The following COL23A1 variants were observed in gnomAD, a reference collection of about 807,000 sequenced individuals.
COL23A1 encodes collagen type XXIII alpha 1 chain, also known as collagen alpha-1(XXIII) chain.
In COL23A1, 97 loss-of-function variants were observed where a neutral mutation model predicts 99.3. That is an observed-to-expected ratio of 0.98 (90% CI 0.83 to 1.16). The LOEUF (loss-of-function observed/expected upper bound fraction) is 1.16, where lower values mean the gene tolerates loss of function less well. Ranked by LOEUF, COL23A1 falls within the 50% of genes most tolerant of loss-of-function variation. The pLI is 0.00. For synonymous variants in COL23A1, 320 were observed against 308.2 expected (o/e 1.04, Z -0.40); for missense variants, 762 against 757.4 (o/e 1.01, Z -0.07).
chr5:178,250,008 C>T, intron 18 of COL23A1, 53 bp downstream of exon 18: 1 of 1,549,452 alleles, frequency 6.5e-7, no homozygotes, highest in Non-Finnish European at 8.9e-7. Flanking sequence ...CACACACACA[C>T]AGAGCCCAAT....
intron 12 of COL23A1, among the ~76,000 whole-genome samples, chr5:178,258,489 G>A (rs1352224255): frequency 1.4e-5 from 2 of 138,130 alleles, no homozygotes; most frequent in East Asian, 2.3e-4. Context: ...CTCTGCCTCC[G>A]GGTTCACGCC....
chr5:178,382,542 G>T (rs973806158), intron 2 of COL23A1, among the ~76,000 whole-genome samples: 1 of 152,156 alleles, frequency 6.6e-6, no homozygotes, highest in Non-Finnish European at 1.5e-5. Flanking sequence ...GGGAAGAGTA[G>T]GGTGAACCGA....
In COL23A1 at chr5:178,415,102, T is replaced by A. The variant is rs1315093823; in HGVS notation, c.362-108183A>T. On this transcript the variant is annotated intron_variant, in intron 2 of 28. Transcript: ENST00000390654. This position sits in a 1 kb window ranked among gnomAD's most constrained non-coding sequence, Gnocchi z 4.6. ...CAGTTTCTCAGCACGAAACCCGGAATATGTGAGTGCTGGTTCTCTCTGCCC... is the reference window on the plus strand; with the variant it reads ...CAGTTTCTCAGCACGAAACCCGGAAAATGTGAGTGCTGGTTCTCTCTGCCC... Among the ~76,000 whole-genome samples the A allele has an allele frequency of 6.6e-6, 1 of 151,528 alleles. No homozygotes were observed. Among genetic ancestry groups the A allele is most frequent in the Non-Finnish European group, 1.5e-5 (1 of 67,944 alleles).
intron 2 of COL23A1, among the ~76,000 whole-genome samples, chr5:178,328,966 A>G (rs1163708004): frequency 6.6e-6 from 1 of 152,236 alleles, no homozygotes; most frequent in African/African-American, 2.4e-5. Context: ...AGAAATGGGC[A>G]CGAACACAGC....
chr5:178,471,258 T>G (rs75013416), intron 2 of COL23A1, among the ~76,000 whole-genome samples: 1 of 146,470 alleles, frequency 6.8e-6, no homozygotes, highest in Non-Finnish European at 1.5e-5. Context: ...TCTTTTTTTT[T>G]GAGACAGAGT....
At position 178,387,673 on chromosome 5, in the gene COL23A1, A is replaced by T. The variant is rs928621416; in HGVS notation, c.362-80754T>A. Among the ~76,000 whole-genome samples the T allele has an allele frequency of 6.6e-6, 1 of 152,208 alleles. No individual in the cohort carries two copies. The highest frequency in any genetic ancestry group is 2.4e-5 in the African/African-American group (1 of 41,444). ...TATCCCCAGTACGAATACAAAGATA[A>T]GGTCAAAGAACACACTCAGTAAATA... On this transcript the variant is annotated intron_variant, in intron 2 of 28. Transcript: ENST00000390654. The surrounding 1 kb of genome is among the most constrained non-coding windows in gnomAD (Gnocchi z 4.7).
At chr5:178,295,500 C>T (rs1245697431) in intron 3 of COL23A1, among the ~76,000 whole-genome samples, 1 of 152,174 alleles carries the variant, frequency 6.6e-6, no homozygotes, top group Non-Finnish European at 1.5e-5. Flanking sequence ...GTGTGAAGGG[C>T]AATGAGGACA....
intron 2 of COL23A1, among the ~76,000 whole-genome samples, chr5:178,469,127 G>C (rs1756599077): frequency 6.6e-6 from 1 of 152,198 alleles, no homozygotes; most frequent in Admixed American, 6.5e-5. Flanking sequence ...GTGTGGACAG[G>C]CCACATTGTG....
chr5:178,264,753 T>C, intron 8 of COL23A1, among the ~76,000 whole-genome samples: 1 of 151,986 alleles, frequency 6.6e-6, no homozygotes, highest in East Asian at 1.9e-4. Flanking sequence ...ACCTCCCGGG[T>C]TCAAGCGATT....
intron 2 of COL23A1, among the ~76,000 whole-genome samples, chr5:178,385,367 G>GC (rs1244987109): frequency 6.6e-6 from 1 of 152,150 alleles, no homozygotes; most frequent in Non-Finnish European, 1.5e-5. Flanking sequence ...ACCCCCACAG[G>GC]CCCACACGTC....
intron 2 of COL23A1, among the ~76,000 whole-genome samples, chr5:178,424,767 C>T (rs1480686838): frequency 1.3e-5 from 2 of 152,196 alleles, no homozygotes; most frequent in African/African-American, 4.8e-5. Context: ...CTCTGAGTTA[C>T]AGACACTGAA....
At chr5:178,419,772 C>A (rs989957505) in intron 2 of COL23A1, among the ~76,000 whole-genome samples, 1 of 152,224 alleles carries the variant, frequency 6.6e-6, no homozygotes, top group African/African-American at 2.4e-5. Flanking sequence ...CTAGTATGCA[C>A]CTGTAACAAC....
chr5:178,417,315 A>G (rs896661897), intron 2 of COL23A1, among the ~76,000 whole-genome samples: 3 of 152,202 alleles, frequency 2.0e-5, no homozygotes, highest in East Asian at 1.9e-4. Context: ...ACACATGCCA[A>G]TCTAAGCTCA....
At chr5:178,323,107 G>A (rs1759438452) in intron 2 of COL23A1, among the ~76,000 whole-genome samples, 1 of 152,114 alleles carries the variant, frequency 6.6e-6, no homozygotes, top group South Asian at 2.1e-4. Context: ...CAGGGGCCTG[G>A]ATCTGGGGCA....
chr5:178,562,739 G>GGTGGGGGC lies in COL23A1; in HGVS notation c.295-1992_295-1991insGCCCCCAC, dbSNP rs1562093759. The GGTGGGGGC allele has an allele frequency of 1.9e-4, 27 of 140,720 alleles. 2 individuals are homozygous for GGTGGGGGC. The highest frequency in any genetic ancestry group is 6.5e-4 in the African/African-American group (22 of 33,948). 8.7% of individuals were successfully genotyped at this position (140,720 alleles called of 1,614,324 possible). On this transcript the variant is annotated intron_variant, in intron 1 of 28. Transcript: ENST00000390654. ...GGTTGCTGCCGCTGGCTGGTGGTGG[G>GGTGGGGGC]GGGGGTGCGGGCTTTTATTCCGTTA...
Position 178,246,390 on chromosome 5 carries a change from C to T in COL23A1, c.1359+1G>A, listed in dbSNP as rs1454963185. The T allele has an allele frequency of 1.9e-6, 3 of 1,577,932 alleles. No individual in the cohort carries two copies. Among genetic ancestry groups the T allele is most frequent in the African/African-American group, 2.7e-5 (2 of 74,348 alleles). ...GGACAAACAACGCTTGTGAGACTCA[C>T]AGGCAGGCCGCTGGGGCCTCTCTCA... On this transcript the variant is annotated splice_donor_variant, in intron 23 of 28. Transcript: ENST00000390654. LOFTEE classifies it high-confidence loss of function.
intron 10 of COL23A1, 119 bp from the exon 11 acceptor site, chr5:178,261,867 C>T: frequency 1.1e-6 from 1 of 896,710 alleles, no homozygotes; most frequent in Non-Finnish European, 1.8e-6. Context: ...GGAGGCTGGG[C>T]TGCCGTCAGA....
At chr5:178,577,116 T>A (rs1763412611) in intron 1 of COL23A1, among the ~76,000 whole-genome samples, 1 of 152,098 alleles carries the variant, frequency 6.6e-6, no homozygotes, top group Admixed American at 6.5e-5. Flanking sequence ...GCCCCGGCGC[T>A]CCTCGCTCAG....
chr5:178,255,014 G>A lies in COL23A1; in HGVS notation c.895C>T (p.Leu299Phe). Residue 299 changes from leucine (L) to phenylalanine (F), a missense_variant, in exon 16 of 29, where the codon CTC becomes TTC. By Grantham distance (22) the Leu-to-Phe change is conservative. Transcript: ENST00000390654. This position sits in a 1 kb window ranked among gnomAD's most constrained non-coding sequence, Gnocchi z 4.2. The part of the protein sequence containing the change: ...GAAGPRGAPG[L>F]KGEQGDTVVI... The stretch of plus-strand genomic sequence containing the variant: ...ACTGTGTCTCCCTGCTCGCCCTTGA[G>A]GCCTGGGGCACCCTGAGGCAGGAAG... 1 of 1,613,474 alleles carries A rather than the reference G, an allele frequency of 6.2e-7. No individual in the cohort carries two copies. The highest frequency in any genetic ancestry group is 1.1e-5 in the South Asian group (1 of 91,070).
Sources: gnomAD v4.1 joint callset for allele counts (sites outside exome capture counted in the v4.1 genomes callset) on GRCh38, gnomAD v4.1.1 for gene constraint, Gnocchi (gnomAD v3.1) non-coding constraint, MANE v1.5 for transcripts, NCBI Gene and HGNC (gene_info 2026-07-23, HGNC 2026-07-21) for gene names.